SMARCD3: variants seen among roughly 807,000 people sequenced by gnomAD.
SMARCD3 encodes the protein SWI/SNF-related matrix-associated actin-dependent regulator of chromatin subfamily D member 3.
In SMARCD3, 14 loss-of-function variants were observed where a neutral mutation model predicts 58.0. That is an observed-to-expected ratio of 0.24 (90% confidence interval 0.16 to 0.38). The LOEUF (loss-of-function observed/expected upper bound fraction) is 0.38, where lower values mean the gene tolerates loss of function less well. SMARCD3 is among the 10% of genes least tolerant of loss of function. The pLI, the probability that SMARCD3 is intolerant of heterozygous loss-of-function variation, is 1.00. For missense variants in SMARCD3, 408 were observed against 636.9 expected (o/e 0.64, Z 3.87); for synonymous variants, 253 against 253.8 (o/e 1.00, Z 0.03).
At chr7:151,274,848 C>A (rs1408575666) in intron 2 of SMARCD3, among the ~76,000 whole-genome samples, 1 of 152,124 alleles carries the variant, frequency 6.6e-6, no homozygotes, top group Non-Finnish European at 1.5e-5. Flanking sequence ...CTCAGAAAGG[C>A]TTTGAGAGGC....
intron 2 of SMARCD3, among the ~76,000 whole-genome samples, chr7:151,273,353 C>A (rs1293402082): frequency 6.6e-6 from 1 of 152,206 alleles, no homozygotes; most frequent in Non-Finnish European, 1.5e-5. Context: ...CAGCCCAAGG[C>A]TCCCTCCGAC....
At chr7:151,247,974 C>T (rs544803837) in intron 1 of SMARCD3, among the ~76,000 whole-genome samples, 9 of 152,158 alleles carry the variant, frequency 5.9e-5, no homozygotes, top group Non-Finnish European at 1.0e-4. Flanking sequence ...CCAGAGCCCT[C>T]CCGCTGGGAT....
chr7:151,261,807 G>A (rs1359359365), intron 2 of SMARCD3, among the ~76,000 whole-genome samples: 5 of 152,208 alleles, frequency 3.3e-5, no homozygotes, highest in Non-Finnish European at 5.9e-5. Flanking sequence ...TGGCATGACG[G>A]GTACAAGCGA....
intron 2 of SMARCD3, among the ~76,000 whole-genome samples, chr7:151,259,973 A>G (rs1184535319): frequency 2.6e-5 from 4 of 152,174 alleles, no homozygotes; most frequent in Non-Finnish European, 5.9e-5. Flanking sequence ...ACCATTGACC[A>G]AGCACTTCCA....
rs569743396 is a variant in SMARCD3 at position 151,243,404 on chromosome 7, C to T, written c.333+255G>A. Among the ~76,000 whole-genome samples the T allele has an allele frequency of 6.6e-6, 1 of 152,198 alleles. No individual in the cohort carries two copies. Among genetic ancestry groups the T allele is most frequent in the Admixed American group, 6.5e-5 (1 of 15,286 alleles). ...TCTGATCCCCTAGCTCTTGCCCCCT[C>T]CTGGTCCCACAGCTCTATAGTACCA... On this transcript the variant is annotated intron_variant, in intron 3 of 12. Transcript: ENST00000262188. The surrounding 1 kb of genome is among the most constrained non-coding windows in gnomAD (Gnocchi z 4.4).
rs1258653902 is a variant in SMARCD3 at position 151,241,783 on chromosome 7, G to A, written c.777+94C>T. ...CCCTGGGGAAGGATAGGTTTGGGAGGGGAAGGAGGTCTCTCAAGATGCACC... is the reference window on the plus strand; with the variant it reads ...CCCTGGGGAAGGATAGGTTTGGGAGAGGAAGGAGGTCTCTCAAGATGCACC... On this transcript the variant is annotated intron_variant, in intron 7 of 12. Coordinates refer to ENST00000262188, the MANE Select transcript of SMARCD3 (RefSeq NM_001003801.2). This position sits in a 1 kb window ranked among gnomAD's most constrained non-coding sequence, Gnocchi z 5.3. The A allele has an allele frequency of 5.1e-6, 7 of 1,384,964 alleles. No homozygotes were observed. The highest frequency in any genetic ancestry group is 4.3e-5 in the African/African-American group (3 of 70,286). The allele number at this position is 1,384,964 out of a possible 1,614,324, so 85.8% of individuals were successfully genotyped here.
chr7:151,266,614 T>C (rs191893624), intron 2 of SMARCD3, among the ~76,000 whole-genome samples: 11 of 152,334 alleles, frequency 7.2e-5, no homozygotes, highest in Admixed American at 5.2e-4. Context: ...TCGTCTTTCT[T>C]CAATTCTTAG....
At position 151,240,514 on chromosome 7, in the gene SMARCD3, A is replaced by T. The variant is rs577653157; in HGVS notation, c.948T>A (p.Asp316Glu). ...TCTCAGAAAACTTCAGCCGGGGACA[A>T]TCAAAAATCTGAAGCAGGACAATTG... is the stretch of plus-strand genomic sequence containing the variant. ...NGDKYFQQIF[D>E]CPRLKFSEIP... Residue 316 changes from aspartate (D) to glutamate (E), a missense_variant, in exon 9 of 13, where the codon GAT (aspartate) becomes GAA (glutamate). By Grantham distance (45) the Asp-to-Glu change is conservative (BLOSUM62 2). Coordinates refer to ENST00000262188, the MANE Select transcript of SMARCD3 (RefSeq NM_001003801.2). 1.2e-6 allele frequency: 2 copies of T among 1,612,676 alleles called. No individual in the cohort carries two copies. Among genetic ancestry groups the T allele is most frequent in the East Asian group, 4.5e-5 (2 of 44,886 alleles).
At chr7:151,244,712 A>G (rs1385728528) in intron 2 of SMARCD3, among the ~76,000 whole-genome samples, 1 of 152,192 alleles carries the variant, frequency 6.6e-6, no homozygotes, top group Non-Finnish European at 1.5e-5. Context: ...CCCGATGTGT[A>G]AAAAATAATA....
In SMARCD3 at chr7:151,242,129, G is replaced by C. The variant is rs769371498; in HGVS notation, c.675+8C>G. ...GCAATTCAAGGGCGGAGGGGCTCTT[G>C]GTCTTACCTCAACGAGGTGGTTGTC... On this transcript the variant is annotated splice_region_variant and intron_variant, in intron 6 of 12. Coordinates refer to ENST00000262188, the MANE Select transcript of SMARCD3 (RefSeq NM_001003801.2). This position sits in a 1 kb window ranked among gnomAD's most constrained non-coding sequence, Gnocchi z 4.7. 39 of 1,603,334 alleles carry C rather than the reference G, an allele frequency of 2.4e-5. No homozygotes were observed. In the South Asian group the frequency reaches 4.3e-4, roughly 18 times the overall value.
In SMARCD3 at chr7:151,241,580, A is replaced by G; in HGVS notation, c.851T>C (p.Val284Ala). Reference sequence around the variant, plus strand: ...CTTCACATACTGCCACAGGGCCTGGACAATGGCTGAGCGGCTCTGTGTGTG... The same window carrying G: ...CTTCACATACTGCCACAGGGCCTGGGCAATGGCTGAGCGGCTCTGTGTGTG... ...GLHTQSRSAI[V>A]QALWQYVKTN... is the part of the protein sequence containing the mutation. Residue 284 changes from valine to alanine, a missense_variant, in exon 8 of 13, where the codon GTC (valine) becomes GCC (alanine). Physicochemically the swap from Val to Ala is moderately conservative, Grantham distance 64. Transcript: ENST00000262188. The surrounding 1 kb of genome is among the most constrained non-coding windows in gnomAD (Gnocchi z 5.3). 6.2e-7 allele frequency: 1 copy of G among 1,611,390 alleles called. No individual in the cohort carries two copies. Among genetic ancestry groups the G allele is most frequent in the Non-Finnish European group, 8.5e-7 (1 of 1,178,774 alleles).
rs887959385 is a variant in SMARCD3 at position 151,243,682 on chromosome 7, C to G, written c.310G>C (p.Ala104Pro). Residue 104 changes from alanine (A) to proline (P), a missense_variant, in exon 3 of 13, where the codon GCT becomes CCT. By Grantham distance (27) the Ala-to-Pro change is conservative. Transcript: ENST00000262188. This position sits in a 1 kb window ranked among gnomAD's most constrained non-coding sequence, Gnocchi z 4.4. Reference sequence around the variant, plus strand: ...ACCCTTTGAGGGAGGATTTTGTCAGCCATCTTCCTCCTCTTGGCACTGTAC... The same window carrying G: ...ACCCTTTGAGGGAGGATTTTGTCAGGCATCTTCCTCCTCTTGGCACTGTAC... ...RSRSAKRRKM[A>P]DKILPQRIRE... 6.2e-7 allele frequency: 1 copy of G among 1,611,270 alleles called. No homozygotes were observed.
chr7:151,240,046 C>G (rs978001748), intron 10 of SMARCD3, 66 bp downstream of exon 10: 102 of 1,518,146 alleles, frequency 6.7e-5, no homozygotes, highest in Non-Finnish European at 9.2e-5. Context: ...ACACCCTGGT[C>G]TCAGAAAAGT....
intron 2 of SMARCD3, among the ~76,000 whole-genome samples, chr7:151,244,801 T>G (rs1404537035): frequency 6.6e-6 from 1 of 152,222 alleles, no homozygotes; most frequent in Non-Finnish European, 1.5e-5. Context: ...GGCTAAATAC[T>G]GAAACCCGGA....
At position 151,243,185 on chromosome 7, in the gene SMARCD3, G is replaced by C. The variant is rs562396074; in HGVS notation, c.334-342C>G. On this transcript the variant is annotated intron_variant, in intron 3 of 12. Transcript: ENST00000262188. The surrounding 1 kb of genome is among the most constrained non-coding windows in gnomAD (Gnocchi z 4.4). ...CATATGCCTGCTGGGCTTCCCCTGG[G>C]CCCCTGCAAAGTGCCTAGTAGGGGC... 1.3e-5 allele frequency among the ~76,000 whole-genome samples: 2 copies of C among 152,234 alleles called. No individual in the cohort carries two copies. Among genetic ancestry groups the C allele is most frequent in the East Asian group, 3.9e-4 (2 of 5,190 alleles).
Position 151,238,918 on chromosome 7 carries a change from T to TCCCTTCCCCTTCTC in SMARCD3, c.*171_*184dup. 1 of 1,068,590 alleles carries TCCCTTCCCCTTCTC rather than the reference T, an allele frequency of 9.4e-7. No homozygotes were observed. Among genetic ancestry groups the TCCCTTCCCCTTCTC allele is most frequent in the Non-Finnish European group, 1.4e-6 (1 of 728,326 alleles). The allele number at this position is 1,068,590 out of a possible 1,614,324, so 66.2% of individuals were successfully genotyped here. The stretch of plus-strand genomic sequence containing the variant: ...GGGACCCACTGCCTCCCCACCTTCT[T>TCCCTTCCCCTTCTC]CCCTTCCCCTTCTCTCCCCCTCCCC... On this transcript the variant is annotated 3_prime_UTR_variant, in exon 13 of 13. Transcript: ENST00000262188.
At chr7:151,269,947 G>A (rs1454256731) in intron 2 of SMARCD3, among the ~76,000 whole-genome samples, 8 of 152,320 alleles carry the variant, frequency 5.3e-5, no homozygotes, top group African/African-American at 1.9e-4. Context: ...AGGCACAGGT[G>A]GCTCCAAGTG....
rs1283204249 is a variant in SMARCD3 at position 151,248,030 on chromosome 7, G to A, written c.78+455C>T. Reference sequence around the variant, plus strand: ...GAGCTTCCCGCTACAGTGCCTCCAGGGTCACCTGCTCCTTGCTCCGGAGAC... The same window carrying A: ...GAGCTTCCCGCTACAGTGCCTCCAGAGTCACCTGCTCCTTGCTCCGGAGAC... On this transcript the variant is annotated intron_variant, in intron 1 of 12. Transcript: ENST00000262188. This position sits in a 1 kb window ranked among gnomAD's most constrained non-coding sequence, Gnocchi z 6.1. Among the ~76,000 whole-genome samples the A allele has an allele frequency of 6.6e-6, 1 of 151,982 alleles. No individual in the cohort carries two copies. Among genetic ancestry groups the A allele is most frequent in the Non-Finnish European group, 1.5e-5 (1 of 67,980 alleles).
At chr7:151,258,444 A>G (rs1347766766) in intron 2 of SMARCD3, among the ~76,000 whole-genome samples, 1 of 151,918 alleles carries the variant, frequency 6.6e-6, no homozygotes, top group Non-Finnish European at 1.5e-5. Flanking sequence ...ATGCAACTGT[A>G]ATCCCAGCTA....
Sources: gnomAD v4.1 joint callset for allele counts (sites outside exome capture counted in the v4.1 genomes callset) on GRCh38, gnomAD v4.1.1 for gene constraint, Gnocchi (gnomAD v3.1) non-coding constraint, MANE v1.5 for transcripts, NCBI Gene and HGNC (gene_info 2026-07-23, HGNC 2026-07-21) for gene names.